The following KIAA1217 variants were observed in gnomAD, a reference collection of about 807,000 sequenced individuals.
The protein encoded by KIAA1217 is KIAA1217.
KIAA1217 carries 88 observed loss-of-function variants against 163.9 expected under a neutral mutation model. That is an observed-to-expected ratio of 0.54 (90% CI 0.45 to 0.64). The LOEUF (loss-of-function observed/expected upper bound fraction) is 0.64, where lower values mean the gene tolerates loss of function less well. KIAA1217 is among the 30% of genes least tolerant of loss of function. The probability of loss-of-function intolerance (pLI) is 0.00; values close to 1 mark genes in which losing one functional copy is unlikely to be tolerated. For synonymous variants in KIAA1217, 903 were observed against 923.1 expected (o/e 0.98, Z 0.39); for missense variants, 2,372 against 2,475.0 (o/e 0.96, Z 0.88).
intron 2 of KIAA1217, among the ~76,000 whole-genome samples, chr10:24,273,148 T>G (rs1311707173): frequency 6.6e-6 from 1 of 152,208 alleles, no homozygotes; most frequent in Non-Finnish European, 1.5e-5. Flanking sequence ...TGCCTCTGCA[T>G]TTTGCCCAAC....
At chr10:24,162,387 C>A (rs2065159497) in intron 2 of KIAA1217, among the ~76,000 whole-genome samples, 1 of 152,200 alleles carries the variant, frequency 6.6e-6, no homozygotes, top group Non-Finnish European at 1.5e-5. Flanking sequence ...GGCTAACAGC[C>A]GCCATGAATC....
chr10:24,062,467 T>C (rs1333709852), intron 2 of KIAA1217, among the ~76,000 whole-genome samples: 7 of 151,374 alleles, frequency 4.6e-5, no homozygotes, highest in Admixed American at 6.6e-5. Flanking sequence ...AGGACATGAA[T>C]TCATCATTTT....
At chr10:24,261,017 G>C (rs1216075558) in intron 2 of KIAA1217, among the ~76,000 whole-genome samples, 1 of 152,186 alleles carries the variant, frequency 6.6e-6, no homozygotes, top group Non-Finnish European at 1.5e-5. Flanking sequence ...CAGTTACAGA[G>C]CTATGTGAAG....
At chr10:24,315,727 A>G (rs1564458228) in intron 2 of KIAA1217, among the ~76,000 whole-genome samples, 1 of 150,334 alleles carries the variant, frequency 6.7e-6, no homozygotes, top group Non-Finnish European at 1.5e-5. Flanking sequence ...ATGCTAGCCT[A>G]GGCAACAGAG....
chr10:24,439,369 A>C (rs2060304383), intron 5 of KIAA1217, among the ~76,000 whole-genome samples: 1 of 152,172 alleles, frequency 6.6e-6, no homozygotes, highest in Non-Finnish European at 1.5e-5. Context: ...TAGCTAGAAA[A>C]ATAAATAAAT....
chr10:24,099,619 T>C (rs555813412), intron 2 of KIAA1217, among the ~76,000 whole-genome samples: 1 of 148,826 alleles, frequency 6.7e-6, no homozygotes, highest in Non-Finnish European at 1.5e-5. Context: ...CTTTAAGTTC[T>C]AGGGTACATG....
intron 2 of KIAA1217, among the ~76,000 whole-genome samples, chr10:24,274,260 T>G (rs1421612144): frequency 1.3e-5 from 2 of 152,086 alleles, no homozygotes; most frequent in Non-Finnish European, 2.9e-5. Flanking sequence ...AATCCCAGCA[T>G]TTTGGGAGAC....
At chr10:24,409,903 G>A (rs370401026) in intron 3 of KIAA1217, among the ~76,000 whole-genome samples, 11 of 150,754 alleles carry the variant, frequency 7.3e-5, no homozygotes, top group African/African-American at 2.7e-4. Context: ...TGCCATCCAG[G>A]TTGCTGCAAA....
chr10:23,810,402 C>G (rs555864586), intron 1 of KIAA1217, among the ~76,000 whole-genome samples: 134 of 144,066 alleles, frequency 9.3e-4, no homozygotes, highest in African/African-American at 3.3e-3. Context: ...TATATACTCT[C>G]TCTATAATAT....
Position 23,934,604 on chromosome 10 carries a change from TATGTATATATATA to T in KIAA1217, c.-320-72620_-320-72608del, listed in dbSNP as rs1843431110. On this transcript the variant is annotated intron_variant, in intron 1 of 18. Coordinates refer to the KIAA1217 transcript ENST00000376462. ...ATATATATATATGTATATATATATATATGTATATATATATATATATATTTTTTTTTTGAGACGG... is the reference window on the plus strand; with the variant it reads ...ATATATATATATGTATATATATATATTATATATATTTTTTTTTTGAGACGG... 4.8e-5 allele frequency among the ~76,000 whole-genome samples: 4 copies of T among 84,172 alleles called. 1 individual carries two copies. Among genetic ancestry groups the T allele is most frequent in the Non-Finnish European group, 8.0e-5 (4 of 50,018 alleles). 55.2% of individuals were successfully genotyped at this position (84,172 alleles called of 152,430 possible). A position where few individuals can be genotyped will look rare whatever the true frequency, so the allele number is the denominator to read the frequency against.
rs886852588 is a variant in KIAA1217 at position 24,544,342 on chromosome 10, C to A, written c.5072C>A (p.Thr1691Asn). The A allele has an allele frequency of 1.9e-6, 3 of 1,614,002 alleles. No individual in the cohort carries two copies. The highest frequency in any genetic ancestry group is 1.7e-5 in the Admixed American group (1 of 59,984). The part of the protein sequence containing the change: ...SEMSPKALVD[T>N]SCSSNRDSVA... The stretch of plus-strand genomic sequence containing the variant: ...ATGAGTCCCAAAGCCCTAGTTGATA[C>A]CTCATGTTCTTCCAACAGAGATTCT... Residue 1691 changes from threonine (T) to asparagine (N), a missense_variant, in exon 19 of 21, where the codon ACC becomes AAC. This residue lies in a region of KIAA1217 where 690 missense variants were observed against 677.5 expected (regional missense o/e 1.02). Coordinates refer to ENST00000376454, the MANE Select transcript of KIAA1217 (RefSeq NM_019590.5).
At chr10:23,779,220 A>G (rs1250645014) in intron 1 of KIAA1217, among the ~76,000 whole-genome samples, 2 of 152,228 alleles carry the variant, frequency 1.3e-5, no homozygotes, top group Non-Finnish European at 2.9e-5. Context: ...AACAGTACCC[A>G]GGACTCCTAG....
At chr10:24,092,691 T>C (rs1178580376) in intron 2 of KIAA1217, among the ~76,000 whole-genome samples, 1 of 150,200 alleles carries the variant, frequency 6.7e-6, no homozygotes, top group Non-Finnish European at 1.5e-5. Flanking sequence ...GATAACGTTA[T>C]GAAAAAAAAA....
At chr10:23,838,568 C>T (rs1588919712) in intron 1 of KIAA1217, among the ~76,000 whole-genome samples, 1 of 152,078 alleles carries the variant, frequency 6.6e-6, no homozygotes. Context: ...TCAAGCAATT[C>T]TCCTGCCTCA....
chr10:24,085,730 T>C (rs1258167499), intron 2 of KIAA1217, among the ~76,000 whole-genome samples: 2 of 151,930 alleles, frequency 1.3e-5, no homozygotes, highest in Non-Finnish European at 2.9e-5. Context: ...CCCAGCACTT[T>C]GGGAGGCTGA....
chr10:24,099,734 C>A (rs1177017887), intron 2 of KIAA1217, among the ~76,000 whole-genome samples: 4 of 115,136 alleles, frequency 3.5e-5, no homozygotes, highest in East Asian at 6.2e-4. Context: ...TGCTATCCCT[C>A]CCCCCTCCCC....
chr10:23,852,491 G>A (rs533249341), intron 1 of KIAA1217, among the ~76,000 whole-genome samples: 7 of 152,168 alleles, frequency 4.6e-5, no homozygotes, highest in South Asian at 2.1e-4. Context: ...TTGACTTGGC[G>A]ATGCGGGCTC....
intron 3 of KIAA1217, among the ~76,000 whole-genome samples, chr10:24,412,178 CAAA>C (rs11298641): frequency 0.047 from 6,837 of 144,226 alleles, 215 homozygotes; most frequent in South Asian, 0.12. Flanking sequence ...ATGTTTGGTC[CAAA>C]AAAAAAAAAG....
chr10:23,975,702 G>A (rs1187967019), intron 1 of KIAA1217, among the ~76,000 whole-genome samples: 1 of 152,146 alleles, frequency 6.6e-6, no homozygotes, highest in Non-Finnish European at 1.5e-5. Flanking sequence ...TATACTCAGA[G>A]CCTCACGGGT....
Sources: allele counts gnomAD v4.1 joint callset (sites outside exome capture counted in the v4.1 genomes callset), GRCh38; gene constraint gnomAD v4.1.1; regional missense constraint gnomAD v4.1.1; transcripts MANE v1.5; gene names NCBI Gene and HGNC (gene_info 2026-07-23, HGNC 2026-07-21).